SLC44A5: variants seen among roughly 807,000 people sequenced by gnomAD.
SLC44A5 encodes solute carrier family 44 member 5.
SLC44A5 carries 57 observed loss-of-function variants against 101.8 expected under a neutral mutation model. The ratio of observed to expected loss-of-function variants is 0.56; its 90% confidence interval spans 0.45 to 0.70. SLC44A5 has a LOEUF of 0.70. Ranked by LOEUF, SLC44A5 falls within the 30% of genes least tolerant of loss-of-function variation. The probability of loss-of-function intolerance (pLI) is 0.00; values close to 1 mark genes in which losing one functional copy is unlikely to be tolerated. For synonymous variants in SLC44A5, 281 were observed against 290.9 expected (o/e 0.97, Z 0.35); for missense variants, 737 against 853.1 (o/e 0.86, Z 1.70).
the SLC44A5 span, among the ~76,000 whole-genome samples, chr1:75,695,398 T>A: frequency 6.6e-6 from 1 of 152,150 alleles, no homozygotes; most frequent in Non-Finnish European, 1.5e-5. Flanking sequence ...CCTGGAGCTG[T>A]TTAATGTGAC....
At chr1:75,682,958 C>T in the SLC44A5 span, among the ~76,000 whole-genome samples, 1 of 152,152 alleles carries the variant, frequency 6.6e-6, no homozygotes, top group Non-Finnish European at 1.5e-5. Context: ...CATGAATAGA[C>T]ACTTCTCAAA....
At chr1:75,345,405 G>T (rs556356310) in intron 3 of SLC44A5, among the ~76,000 whole-genome samples, 1 of 152,122 alleles carries the variant, frequency 6.6e-6, no homozygotes, top group South Asian at 2.1e-4. Flanking sequence ...TCCATAAAAT[G>T]ATAGATAATG....
Position 75,215,769 on chromosome 1 carries a change from T to C in SLC44A5, c.1713A>G (p.Arg571=). The change falls in exon 19 of 24, where the codon AGA becomes AGG. Residue 571 remains arginine, a synonymous_variant. Coordinates refer to ENST00000370859, the MANE Select transcript of SLC44A5 (RefSeq NM_001130058.2). ...ATCTACCTACCATAATATAGGCATT[T>C]CTGTTTAAAAACTTTATTGCATTTT... The part of the protein sequence containing the change: ...CLENAIKFLN[R]NAYIMIAIYG... 6.3e-6 allele frequency: 10 copies of C among 1,597,252 alleles called. No homozygotes were observed. Among genetic ancestry groups the C allele is most frequent in the Non-Finnish European group, 8.6e-6 (10 of 1,165,334 alleles).
At chr1:75,659,177 C>A in the SLC44A5 span, among the ~76,000 whole-genome samples, 1 of 151,436 alleles carries the variant, frequency 6.6e-6, no homozygotes, top group Admixed American at 6.6e-5. Flanking sequence ...GGCTTCACTG[C>A]TGAATTCTAC....
At chr1:75,550,053 A>T (rs1671855569) in intron 1 of SLC44A5, among the ~76,000 whole-genome samples, 1 of 152,140 alleles carries the variant, frequency 6.6e-6, no homozygotes, top group Non-Finnish European at 1.5e-5. Flanking sequence ...CATAGTTTTC[A>T]TTTTTAAAAG....
chr1:75,318,520 G>T (rs1046949110), intron 4 of SLC44A5, among the ~76,000 whole-genome samples: 2 of 152,112 alleles, frequency 1.3e-5, no homozygotes, highest in African/African-American at 4.8e-5. Flanking sequence ...CAGATGATCT[G>T]CTTTATTTTA....
intron 4 of SLC44A5, among the ~76,000 whole-genome samples, chr1:75,318,369 TTGAAAGAA>T (rs1250444028): frequency 1.3e-4 from 15 of 118,112 alleles, no homozygotes; most frequent in African/African-American, 2.0e-4. Context: ...ATCCCATCTC[TTGAAAGAA>T]AGAAAGAAAG....
intron 1 of SLC44A5, among the ~76,000 whole-genome samples, chr1:75,592,283 A>G (rs1674397966): frequency 6.6e-6 from 1 of 152,188 alleles, no homozygotes; most frequent in African/African-American, 2.4e-5. Context: ...ATAGCCACAC[A>G]TAAAATTAAA....
chr1:75,267,230 G>T (rs1651070724), intron 6 of SLC44A5, among the ~76,000 whole-genome samples: 1 of 152,144 alleles, frequency 6.6e-6, no homozygotes, highest in Admixed American at 6.6e-5. Context: ...AGGAAATAAA[G>T]ACTGAGGTAG....
intron 2 of SLC44A5, among the ~76,000 whole-genome samples, chr1:75,528,360 G>C (rs1399392331): frequency 6.6e-6 from 1 of 152,042 alleles, no homozygotes; most frequent in African/African-American, 2.4e-5. Flanking sequence ...AAAATTATGA[G>C]AAGGAGAAAA....
intron 1 of SLC44A5, among the ~76,000 whole-genome samples, chr1:75,546,826 A>G (rs1405218782): frequency 6.6e-6 from 1 of 152,122 alleles, no homozygotes; most frequent in Non-Finnish European, 1.5e-5. Context: ...GTGTATTATG[A>G]AAAAAAGAAC....
intron 6 of SLC44A5, among the ~76,000 whole-genome samples, chr1:75,255,516 A>G (rs1649944014): frequency 6.6e-6 from 1 of 152,020 alleles, no homozygotes; most frequent in South Asian, 2.1e-4. Flanking sequence ...GTCAGAGATG[A>G]AAAATAGAAG....
At position 75,250,233 on chromosome 1, in the gene SLC44A5, A is replaced by G. The variant is rs536727856; in HGVS notation, c.345+977T>C. Among the ~76,000 whole-genome samples the G allele has an allele frequency of 2.6e-5, 4 of 152,210 alleles. No individual in the cohort carries two copies. The East Asian group carries it at 7.8e-4, about 30-fold the overall frequency. On this transcript the variant is annotated intron_variant, in intron 7 of 23. Coordinates refer to ENST00000370859, the MANE Select transcript of SLC44A5 (RefSeq NM_001130058.2). Reference sequence around the variant, plus strand: ...TGTTCTCATCATTTAGCTGTCACTTATAAGTGAGAACACGTGGCATTTGGT... The same window carrying G: ...TGTTCTCATCATTTAGCTGTCACTTGTAAGTGAGAACACGTGGCATTTGGT...
At chr1:75,626,461 G>T in the SLC44A5 span, among the ~76,000 whole-genome samples, 1 of 152,130 alleles carries the variant, frequency 6.6e-6, no homozygotes, top group African/African-American at 2.4e-5. Flanking sequence ...ACACAGGAAT[G>T]ATCTGACTCA....
intron 1 of SLC44A5, among the ~76,000 whole-genome samples, chr1:75,558,419 C>T (rs1379561786): frequency 2.0e-5 from 3 of 152,130 alleles, no homozygotes; most frequent in African/African-American, 7.2e-5. Flanking sequence ...AGCCATCACG[C>T]TGTACTAAAA....
At chr1:75,611,412 G>A (rs1675651225), upstream of SLC44A5, among the ~76,000 whole-genome samples, 1 of 152,088 alleles carries the variant, frequency 6.6e-6, no homozygotes, top group East Asian at 1.9e-4. Context: ...TGTCACAAAT[G>A]CTTAGGGGAA....
the SLC44A5 span, among the ~76,000 whole-genome samples, chr1:75,680,371 T>C: frequency 6.6e-6 from 1 of 152,078 alleles, no homozygotes; most frequent in Non-Finnish European, 1.5e-5. Context: ...AGTAAAGCTC[T>C]CCTCAGCAAA....
At chr1:75,246,828 A>C (rs529803433) in intron 7 of SLC44A5, among the ~76,000 whole-genome samples, 7 of 152,158 alleles carry the variant, frequency 4.6e-5, no homozygotes, top group African/African-American at 1.7e-4. Context: ...TAAGTCTCTA[A>C]GGCAGGAGAG....
At chr1:75,211,757 C>CT (rs925461238) in intron 22 of SLC44A5, among the ~76,000 whole-genome samples, 10 of 151,820 alleles carry the variant, frequency 6.6e-5, no homozygotes, top group African/African-American at 1.7e-4. Flanking sequence ...AATTAACTGC[C>CT]TTTTTTTTCC....
Sources: gnomAD v4.1 joint callset for allele counts (sites outside exome capture counted in the v4.1 genomes callset) on GRCh38, gnomAD v4.1.1 for gene constraint, MANE v1.5 for transcripts, NCBI Gene and HGNC (gene_info 2026-07-23, HGNC 2026-07-21) for gene names.